The following SULF1 variants were observed in gnomAD, a reference collection of about 807,000 sequenced individuals.
SULF1 encodes the protein extracellular sulfatase Sulf-1.
SULF1 carries 46 observed loss-of-function variants against 110.5 expected under a neutral mutation model. The ratio of observed to expected loss-of-function variants is 0.42; its 90% CI spans 0.33 to 0.53. The LOEUF (loss-of-function observed/expected upper bound fraction) is 0.53, where lower values mean the gene tolerates loss of function less well. Ranked by LOEUF, SULF1 falls within the 20% of genes least tolerant of loss-of-function variation. The pLI is 0.12. For synonymous variants in SULF1, 371 were observed against 387.1 expected (o/e 0.96, Z 0.49); for missense variants, 941 against 1,094.2 (o/e 0.86, Z 1.98).
At chr8:69,641,911 G>A (rs1040521578) in intron 22 of SULF1, among the ~76,000 whole-genome samples, 3 of 151,974 alleles carry the variant, frequency 2.0e-5, no homozygotes, top group African/African-American at 7.3e-5. Context: ...CGCTCCTGAT[G>A]GCCGTGTCAC....
rs373848399 is a variant in SULF1, at chr8:69,527,398, G to A, written c.-134+25430G>A. Reference sequence around the variant, plus strand: ...ATAGCCATGTCATTGGGGGCAAGCGGAAAGACAAGGTAAATGACCAGTAGA... The same window carrying A: ...ATAGCCATGTCATTGGGGGCAAGCGAAAAGACAAGGTAAATGACCAGTAGA... On this transcript the variant is annotated intron_variant, in intron 3 of 22. Coordinates refer to ENST00000402687, the MANE Select transcript of SULF1 (RefSeq NM_001128205.2). Among the ~76,000 whole-genome samples, 41 of 152,138 alleles carry A rather than the reference G, an allele frequency of 2.7e-4. 1 individual carries two copies. The East Asian group carries it at 5.6e-3, about 21-fold the overall frequency.
chr8:69,539,829 G>C (rs978829760), intron 3 of SULF1, among the ~76,000 whole-genome samples: 1 of 152,198 alleles, frequency 6.6e-6, no homozygotes, highest in Non-Finnish European at 1.5e-5. Flanking sequence ...AAGTGGAGTT[G>C]GTTGGGCAGA....
At chr8:69,508,536 A>C (rs1180781168) in intron 3 of SULF1, among the ~76,000 whole-genome samples, 5 of 152,232 alleles carry the variant, frequency 3.3e-5, no homozygotes, top group African/African-American at 1.2e-4. Context: ...CTTTAAAGAA[A>C]TCTAAGTTCA....
chr8:69,520,612 C>A (rs997967388), intron 3 of SULF1, among the ~76,000 whole-genome samples: 1 of 152,102 alleles, frequency 6.6e-6, no homozygotes, highest in Non-Finnish European at 1.5e-5. Flanking sequence ...GGTCCCAAAA[C>A]GATTTAAAAC....
chr8:69,520,755 C>A (rs2150611466), intron 3 of SULF1, among the ~76,000 whole-genome samples: 1 of 152,200 alleles, frequency 6.6e-6, no homozygotes, highest in South Asian at 2.1e-4. Context: ...CACATGAAGC[C>A]ACTGAATTTT....
intron 6 of SULF1, among the ~76,000 whole-genome samples, chr8:69,582,914 C>T (rs923912995): frequency 6.6e-6 from 1 of 152,160 alleles, no homozygotes; most frequent in Non-Finnish European, 1.5e-5. Context: ...AAGGTCAGTT[C>T]GTCTCTAAGA....
At chr8:69,553,593 G>A (rs1351502209) in intron 3 of SULF1, among the ~76,000 whole-genome samples, 2 of 152,120 alleles carry the variant, frequency 1.3e-5, no homozygotes, top group Non-Finnish European at 2.9e-5. Context: ...GCGAGCCAAG[G>A]GAATGTTAGG....
chr8:69,607,640 A>C (rs1808325245), intron 13 of SULF1, among the ~76,000 whole-genome samples: 1 of 152,226 alleles, frequency 6.6e-6, no homozygotes, highest in Non-Finnish European at 1.5e-5. Flanking sequence ...CTGGGATTAC[A>C]GGAGCGAGCC....
chr8:69,567,796 A>G (rs1166398283), intron 5 of SULF1, among the ~76,000 whole-genome samples: 2 of 152,108 alleles, frequency 1.3e-5, no homozygotes, highest in Non-Finnish European at 2.9e-5. Context: ...TGCTGTGAAC[A>G]TGGGTGTACA....
chr8:69,580,363 TG>T (rs1241923532), intron 6 of SULF1, among the ~76,000 whole-genome samples: 1 of 152,196 alleles, frequency 6.6e-6, no homozygotes, highest in African/African-American at 2.4e-5. Context: ...ATATAAAACC[TG>T]GCTTAGGTTT....
intron 2 of SULF1, among the ~76,000 whole-genome samples, chr8:69,499,662 A>G (rs536305086): frequency 6.6e-6 from 1 of 152,342 alleles, no homozygotes; most frequent in East Asian, 1.9e-4. Context: ...TCTCACGTGC[A>G]TACACATATC....
chr8:69,576,615 T>C (rs902595832), intron 6 of SULF1, among the ~76,000 whole-genome samples: 2 of 152,200 alleles, frequency 1.3e-5, no homozygotes, highest in African/African-American at 2.4e-5. Context: ...TTTTGATTAA[T>C]TGGTTTTTTG....
intron 16 of SULF1, 89 bp downstream of exon 16, chr8:69,627,395 T>C (rs1810169515): frequency 2.3e-6 from 2 of 877,140 alleles, no homozygotes; most frequent in Admixed American, 2.2e-5. Flanking sequence ...ATACCACAGA[T>C]ACACATCATC....
At chr8:69,594,144 C>G (rs1000060094) in intron 8 of SULF1, among the ~76,000 whole-genome samples, 17 of 152,140 alleles carry the variant, frequency 1.1e-4, no homozygotes, top group African/African-American at 3.9e-4. Context: ...CTCTGCCTCC[C>G]AGGTTCAAAC....
chr8:69,631,921 G>GT (rs1003571548), intron 19 of SULF1, among the ~76,000 whole-genome samples: 3 of 152,204 alleles, frequency 2.0e-5, no homozygotes, highest in Admixed American at 6.5e-5. Context: ...TGTAATCATA[G>GT]TTTTTTTGAC....
At chr8:69,620,324 A>G (rs1809503533) in intron 13 of SULF1, among the ~76,000 whole-genome samples, 1 of 152,164 alleles carries the variant, frequency 6.6e-6, no homozygotes, top group Non-Finnish European at 1.5e-5. Context: ...ATGGCAGGCC[A>G]AAAACAACTT....
intron 1 of SULF1, among the ~76,000 whole-genome samples, chr8:69,483,021 T>C (rs1328838074): frequency 6.6e-6 from 1 of 152,218 alleles, no homozygotes; most frequent in Non-Finnish European, 1.5e-5. Context: ...AGCACTTACC[T>C]TACATTGGGT....
intron 3 of SULF1, among the ~76,000 whole-genome samples, chr8:69,555,317 A>G (rs778943954): frequency 1.6e-4 from 25 of 152,166 alleles, no homozygotes; most frequent in Non-Finnish European, 3.5e-4. Flanking sequence ...TAGCCCTGCA[A>G]AGAAGTTAGA....
intron 3 of SULF1, among the ~76,000 whole-genome samples, chr8:69,560,103 C>T (rs1175673695): frequency 1.3e-5 from 2 of 152,164 alleles, no homozygotes; most frequent in African/African-American, 4.8e-5. Context: ...CTCCAAACGT[C>T]CCAAACTATA....
Sources: allele counts gnomAD v4.1 joint callset (sites outside exome capture counted in the v4.1 genomes callset), GRCh38; gene constraint gnomAD v4.1.1; transcripts MANE v1.5; gene names NCBI Gene and HGNC (gene_info 2026-07-23, HGNC 2026-07-21).